The following RSRC1 variants were observed in gnomAD, a reference collection of about 807,000 sequenced individuals.
The protein encoded by RSRC1 is serine/Arginine-related protein 53.
In RSRC1, 39 loss-of-function variants were observed where a neutral mutation model predicts 49.1. The observed-to-expected ratio is 0.79, with a 90% CI of 0.61 to 1.04. The LOEUF (loss-of-function observed/expected upper bound fraction) is 1.04, where lower values mean the gene tolerates loss of function less well. Ranked by LOEUF, RSRC1 falls within the 50% of genes least tolerant of loss-of-function variation. RSRC1 has a pLI of 0.00. For missense variants in RSRC1, 388 were observed against 402.4 expected, an observed-to-expected ratio of 0.96 and a Z score of 0.31; for synonymous variants, 143 against 130.8, an observed-to-expected ratio of 1.09 and a Z score of -0.63.
intron 3 of RSRC1, among the ~76,000 whole-genome samples, chr3:158,138,976 G>A (rs948614254): frequency 2.6e-5 from 4 of 152,084 alleles, no homozygotes; most frequent in African/African-American, 9.7e-5. Context: ...TCATTGTTTG[G>A]TGAGGAAGGG....
chr3:158,266,804 A>G (rs1578262740), intron 4 of RSRC1, among the ~76,000 whole-genome samples: 2 of 151,854 alleles, frequency 1.3e-5, no homozygotes, highest in East Asian at 1.9e-4. Context: ...CTGGAGTGCA[A>G]TGGTATGATC....
intron 7 of RSRC1, among the ~76,000 whole-genome samples, chr3:158,525,664 T>C (rs1367180605): frequency 6.6e-6 from 1 of 152,018 alleles, no homozygotes. Flanking sequence ...CAAATGTTCA[T>C]CTGCAGGTGA....
intron 3 of RSRC1, among the ~76,000 whole-genome samples, chr3:158,178,746 T>C (rs1366316030): frequency 6.6e-6 from 1 of 152,150 alleles, no homozygotes; most frequent in Non-Finnish European, 1.5e-5. Context: ...ACCTGGTACC[T>C]TGATGAAGTT....
At chr3:158,135,871 G>A (rs1227296034) in intron 3 of RSRC1, among the ~76,000 whole-genome samples, 1 of 152,118 alleles carries the variant, frequency 6.6e-6, no homozygotes. Context: ...TGCTCAAAAT[G>A]TACTTTTCTC....
intron 7 of RSRC1, among the ~76,000 whole-genome samples, chr3:158,529,832 G>A (rs1255930992): frequency 6.6e-6 from 1 of 151,988 alleles, no homozygotes; most frequent in Non-Finnish European, 1.5e-5. Flanking sequence ...CCATTAGGAA[G>A]TGACAAGATC....
chr3:158,389,095 C>T (rs926354065), intron 6 of RSRC1, among the ~76,000 whole-genome samples: 1 of 152,110 alleles, frequency 6.6e-6, no homozygotes, highest in African/African-American at 2.4e-5. Context: ...AATGAAAGTA[C>T]TGAGAATAAA....
intron 4 of RSRC1, among the ~76,000 whole-genome samples, chr3:158,263,566 A>G (rs1559967408): frequency 6.6e-6 from 1 of 152,002 alleles, no homozygotes; most frequent in Non-Finnish European, 1.5e-5. Flanking sequence ...TTTCCTTTTC[A>G]GTTTTTTGGA....
chr3:158,341,300 T>G (rs950831599), intron 5 of RSRC1, among the ~76,000 whole-genome samples: 1 of 151,992 alleles, frequency 6.6e-6, no homozygotes, highest in Non-Finnish European at 1.5e-5. Context: ...GCCCCTCCCA[T>G]CACAGGCCCA....
intron 6 of RSRC1, among the ~76,000 whole-genome samples, chr3:158,397,071 A>G (rs568114944): frequency 1.3e-5 from 2 of 152,300 alleles, no homozygotes; most frequent in South Asian, 2.1e-4. Context: ...ATTTAAAAAA[A>G]TCTAATCTTT....
At chr3:158,406,719 T>C (rs1734176440) in intron 6 of RSRC1, among the ~76,000 whole-genome samples, 1 of 152,090 alleles carries the variant, frequency 6.6e-6, no homozygotes, top group South Asian at 2.1e-4. Flanking sequence ...TGCATTAGAA[T>C]CATCTCTTTT....
At chr3:158,500,401 C>G (rs1311077408) in intron 7 of RSRC1, among the ~76,000 whole-genome samples, 1 of 151,956 alleles carries the variant, frequency 6.6e-6, no homozygotes, top group Admixed American at 6.6e-5. Flanking sequence ...GGGGAGGGTT[C>G]CTACTTTCTC....
chr3:158,491,041 A>C (rs1739063578), intron 7 of RSRC1, among the ~76,000 whole-genome samples: 1 of 151,686 alleles, frequency 6.6e-6, no homozygotes, highest in Non-Finnish European at 1.5e-5. Flanking sequence ...AGTACATTAA[A>C]CTCTATAAAA....
intron 4 of RSRC1, chr3:158,276,443 C>T (rs1222818755): frequency 1.0e-5 from 7 of 694,636 alleles, no homozygotes; most frequent in Non-Finnish European, 1.6e-5. Context: ...TGATGGCTGC[C>T]GCCAGACAGA....
intron 4 of RSRC1, among the ~76,000 whole-genome samples, chr3:158,224,957 A>G (rs1158485890): frequency 6.6e-6 from 1 of 151,908 alleles, no homozygotes; most frequent in Non-Finnish European, 1.5e-5. Flanking sequence ...GTAAATGCCT[A>G]TAAATATTGT....
At chr3:158,213,267 G>A (rs1317783894) in intron 4 of RSRC1, among the ~76,000 whole-genome samples, 1 of 151,830 alleles carries the variant, frequency 6.6e-6, no homozygotes, top group African/African-American at 2.4e-5. Flanking sequence ...ATGTAGTTAT[G>A]GGGTGTACTT....
At chr3:158,453,152 T>C (rs568507570) in intron 6 of RSRC1, among the ~76,000 whole-genome samples, 16 of 152,160 alleles carry the variant, frequency 1.1e-4, no homozygotes, top group Non-Finnish European at 2.1e-4. Flanking sequence ...TTTAGGTTGT[T>C]TGCTTTTTTG....
chr3:158,214,445 CTTT>C (rs1721846262), intron 4 of RSRC1, among the ~76,000 whole-genome samples: 1 of 151,288 alleles, frequency 6.6e-6, no homozygotes, highest in Non-Finnish European at 1.5e-5. Context: ...GATTTCTGTT[CTTT>C]ATTATTTTTT....
At chr3:158,336,471 TG>T in intron 5 of RSRC1, 1 of 160,762 alleles carries the variant, frequency 6.2e-6, no homozygotes, top group Non-Finnish European at 1.4e-5. Context: ...GACCACACAT[TG>T]GGGTCATTGC....
chr3:158,467,372 C>T (rs1737937648), intron 7 of RSRC1, among the ~76,000 whole-genome samples: 1 of 152,184 alleles, frequency 6.6e-6, no homozygotes, highest in South Asian at 2.1e-4. Context: ...TTTTCACATC[C>T]TGTGTGACCT....
Sources: gnomAD v4.1 joint callset for allele counts (sites outside exome capture counted in the v4.1 genomes callset) on GRCh38, gnomAD v4.1.1 for gene constraint, MANE v1.5 for transcripts, NCBI Gene and HGNC (gene_info 2026-07-23, HGNC 2026-07-21) for gene names.